CSPP1: variants seen among roughly 807,000 people sequenced by gnomAD.
CSPP1 encodes the protein centrosome and spindle pole associated protein 1, also known as centrosome and spindle pole-associated protein 1.
Under a neutral mutation model 164.4 loss-of-function variants are expected in CSPP1, and 126 were observed. The ratio of observed to expected loss-of-function variants is 0.77; its 90% confidence interval spans 0.66 to 0.89. CSPP1 has a LOEUF of 0.89. Among genes scored for constraint, CSPP1 ranks in the 40% least tolerant of loss-of-function variants. The pLI is 0.00. For missense variants in CSPP1, 1,395 were observed against 1,449.8 expected (o/e 0.96, Z 0.61); for synonymous variants, 472 against 476.7 (o/e 0.99, Z 0.13).
intron 8 of CSPP1, among the ~76,000 whole-genome samples, chr8:67,103,664 GA>G (rs1243274753): frequency 1.3e-5 from 2 of 150,416 alleles, no homozygotes; most frequent in African/African-American, 4.9e-5. Context: ...AAAAGAAAAA[GA>G]AAAGAAAAAA....
intron 22 of CSPP1, among the ~76,000 whole-genome samples, 157 bp from the exon 23 acceptor site, chr8:67,163,575 A>C (rs1412622147): frequency 6.6e-6 from 1 of 152,026 alleles, no homozygotes; most frequent in African/African-American, 2.4e-5. Flanking sequence ...AGGTGGATAT[A>C]CTCTACCTTG....
intron 21 of CSPP1, among the ~76,000 whole-genome samples, chr8:67,161,363 T>A (rs376696995): frequency 2.0e-5 from 3 of 152,188 alleles, no homozygotes; most frequent in East Asian, 3.9e-4. Context: ...AACCCCATCG[T>A]GATCTTGAAA....
intron 5 of CSPP1, among the ~76,000 whole-genome samples, chr8:67,093,262 C>T (rs1353261659): frequency 6.6e-6 from 1 of 152,128 alleles, no homozygotes; most frequent in Non-Finnish European, 1.5e-5. Context: ...CGAAGCAACT[C>T]CCTTCTGTTA....
In CSPP1 at chr8:67,154,170, T is replaced by G. The variant is rs767814758; in HGVS notation, c.2241+34T>G. On this transcript the variant is annotated intron_variant, in intron 19 of 30. Transcript: ENST00000678616. ...CTATTTGATCAGTTTCAAAGTTTCA[T>G]GAGATTTTAATAAACAAAACTTGCA... 5 of 1,049,942 alleles carry G rather than the reference T, an allele frequency of 4.8e-6. No individual in the cohort carries two copies. In the Admixed American group the frequency reaches 5.7e-5, roughly 12 times the overall value. 65.0% of individuals were successfully genotyped at this position (1,049,942 alleles called of 1,614,324 possible).
rs1446937196 is a variant in CSPP1, at chr8:67,179,842, AT to A, written c.3157-19del. The A allele has an allele frequency of 5.2e-6, 8 of 1,545,944 alleles. No homozygotes were observed. In the African/African-American group the frequency reaches 1.1e-4, roughly 21 times the overall value. On this transcript the variant is annotated intron_variant, in intron 27 of 30. Coordinates refer to ENST00000678616, the MANE Select transcript of CSPP1 (RefSeq NM_001382391.1). ...GTACACAAAACTAATAAAAATAGTC[AT>A]TGAAACATGTTTCTTTTAGCCCAGA... is the stretch of plus-strand genomic sequence containing the variant.
intron 9 of CSPP1, among the ~76,000 whole-genome samples, chr8:67,110,081 CTT>C (rs1403780757): frequency 6.6e-6 from 1 of 151,732 alleles, no homozygotes; most frequent in Non-Finnish European, 1.5e-5. Context: ...GGGGTGGAAA[CTT>C]TTTCCTGGGA....
chr8:67,139,231 C>A (rs1366410213), intron 17 of CSPP1, among the ~76,000 whole-genome samples: 3 of 152,184 alleles, frequency 2.0e-5, no homozygotes, highest in Admixed American at 1.3e-4. Context: ...AACCAACAGA[C>A]ACATGAAAAA....
chr8:67,175,528 A>G, intron 26 of CSPP1, 92 bp downstream of exon 26: 1 of 1,470,886 alleles, frequency 6.8e-7, no homozygotes, highest in Non-Finnish European at 9.4e-7. Context: ...ATTCCCAGGC[A>G]TCCTCCTTTC....
chr8:67,073,009 A>T (rs1807161056), intron 1 of CSPP1, among the ~76,000 whole-genome samples: 1 of 152,330 alleles, frequency 6.6e-6, no homozygotes, highest in Admixed American at 6.5e-5. Context: ...TATCAGAGAA[A>T]TGCAGATTAA....
chr8:67,183,551 C>T (rs1399624067), intron 28 of CSPP1, among the ~76,000 whole-genome samples: 1 of 152,060 alleles, frequency 6.6e-6, no homozygotes, highest in Non-Finnish European at 1.5e-5. Flanking sequence ...CTAAATAACG[C>T]ATAGGTCAGA....
chr8:67,176,983 A>G (rs1721632476), intron 26 of CSPP1, among the ~76,000 whole-genome samples: 1 of 148,290 alleles, frequency 6.7e-6, no homozygotes, highest in African/African-American at 2.5e-5. Flanking sequence ...AGTCAGGAGA[A>G]TTGCTTGAAC....
chr8:67,181,698 T>C (rs999212643), intron 28 of CSPP1, among the ~76,000 whole-genome samples: 1 of 152,190 alleles, frequency 6.6e-6, no homozygotes, highest in Non-Finnish European at 1.5e-5. Flanking sequence ...ACATAACATT[T>C]ACCATTTTAA....
Position 67,132,027 on chromosome 8 carries a change from C to G in CSPP1, c.1774C>G (p.Pro592Ala). Residue 592 changes from proline to alanine, a missense_variant, in exon 16 of 31, where the codon CCG becomes GCG. Pro to Ala is a conservative substitution (Grantham distance 27, BLOSUM62 -1). Coordinates refer to ENST00000678616, the MANE Select transcript of CSPP1 (RefSeq NM_001382391.1). ...TTCAGGATTGATTTTTGAAGATAAA[C>G]CGAAACCTTCCAAACAGTCACTTCA... is the stretch of plus-strand genomic sequence containing the variant. ...INSGLIFEDKPKPSKQSLQSY... is the reference protein window; with the variant it reads ...INSGLIFEDKAKPSKQSLQSY... 5.0e-6 allele frequency: 8 copies of G among 1,613,644 alleles called. No homozygotes were observed. Among genetic ancestry groups the G allele is most frequent in the East Asian group, 2.2e-5 (1 of 44,852 alleles).
At chr8:67,068,858 G>A (rs189453754) in intron 1 of CSPP1, among the ~76,000 whole-genome samples, 4 of 152,256 alleles carry the variant, frequency 2.6e-5, no homozygotes, top group Non-Finnish European at 2.9e-5. Flanking sequence ...CAGACAAAAC[G>A]TAAATATTGT....
chr8:67,194,980 A>AAAAT lies in CSPP1; in HGVS notation c.3470-398_3470-395dup, dbSNP rs569506293. Among the ~76,000 whole-genome samples the AAAAT allele has an allele frequency of 6.5e-4, 99 of 152,286 alleles. 1 individual carries two copies. Among genetic ancestry groups the AAAAT allele is most frequent in the African/African-American group, 2.1e-3 (89 of 41,526 alleles). ...GTATTCCCCAAACCTTGCTTTAAAA[A>AAAAT]AAATAAAAAGAAAAAAGAAAGAAAT... is the stretch of plus-strand genomic sequence containing the variant. On this transcript the variant is annotated intron_variant, in intron 30 of 30. Transcript: ENST00000678616.
intron 28 of CSPP1, among the ~76,000 whole-genome samples, chr8:67,189,655 G>C (rs1563795677): frequency 6.6e-6 from 1 of 152,036 alleles, no homozygotes; most frequent in Non-Finnish European, 1.5e-5. Flanking sequence ...TGCAGTGTAG[G>C]AGCCAGTCCT....
At chr8:67,171,237 A>G (rs1454623999) in intron 24 of CSPP1, among the ~76,000 whole-genome samples, 1 of 151,456 alleles carries the variant, frequency 6.6e-6, no homozygotes, top group Non-Finnish European at 1.5e-5. Flanking sequence ...CATCTTTACT[A>G]AAAATACAGA....
intron 28 of CSPP1, among the ~76,000 whole-genome samples, chr8:67,185,840 C>T (rs1334513904): frequency 5.3e-5 from 8 of 152,028 alleles, no homozygotes; most frequent in Non-Finnish European, 1.2e-4. Flanking sequence ...AAAGTCAAAT[C>T]AGAATGGAAA....
rs773954226 is a variant in CSPP1 at position 67,179,927 on chromosome 8, G to A, written c.3220+1G>A. The A allele has an allele frequency of 4.6e-6, 7 of 1,513,170 alleles. No individual in the cohort carries two copies. Among genetic ancestry groups the A allele is most frequent in the Non-Finnish European group, 6.4e-6 (7 of 1,089,538 alleles). The allele number at this position is 1,513,170 out of a possible 1,614,324, so 93.7% of individuals were successfully genotyped here. A position where few individuals can be genotyped will look rare whatever the true frequency, so the allele number is the denominator to read the frequency against. ...TTGGAATCTGATAGTGCTTTTATTG[G>A]TGAGTATATTTATTTTATTAAGGCT... is the stretch of plus-strand genomic sequence containing the variant. On this transcript the variant is annotated splice_donor_variant, in intron 28 of 30. Coordinates refer to ENST00000678616, the MANE Select transcript of CSPP1 (RefSeq NM_001382391.1). LOFTEE classifies it high-confidence loss of function.
Sources: gnomAD v4.1 joint callset for allele counts (sites outside exome capture counted in the v4.1 genomes callset) on GRCh38, gnomAD v4.1.1 for gene constraint, MANE v1.5 for transcripts, NCBI Gene and HGNC (gene_info 2026-07-23, HGNC 2026-07-21) for gene names.